C8orf34: variants seen among roughly 807,000 people sequenced by gnomAD.
C8orf34 encodes chromosome 8 open reading frame 34.
Under a neutral mutation model 68.3 loss-of-function variants are expected in C8orf34, and 65 were observed. That is an observed-to-expected ratio of 0.95 (90% CI 0.78 to 1.17). C8orf34 has a LOEUF of 1.17. Ranked by LOEUF, C8orf34 falls within the 50% of genes most tolerant of loss-of-function variation. The pLI, the probability that C8orf34 is intolerant of heterozygous loss-of-function variation, is 0.00. For synonymous variants in C8orf34, 244 were observed against 241.2 expected (o/e 1.01, Z -0.11); for missense variants, 664 against 655.4 (o/e 1.01, Z -0.14).
At chr8:68,387,466 A>C (rs1471110026) in intron 1 of C8orf34, among the ~76,000 whole-genome samples, 3 of 152,162 alleles carry the variant, frequency 2.0e-5, no homozygotes, top group Non-Finnish European at 2.9e-5. Context: ...AGTGTGAGGT[A>C]TGGGCAAGGA....
intron 7 of C8orf34, among the ~76,000 whole-genome samples, chr8:68,615,325 T>G (rs1165586177): frequency 3.3e-5 from 5 of 150,314 alleles, no homozygotes; most frequent in Non-Finnish European, 7.4e-5. Context: ...TCCAACACTA[T>G]GTTGAATAGG....
intron 7 of C8orf34, chr8:68,534,223 G>C: frequency 1.0e-6 from 1 of 985,346 alleles, no homozygotes; most frequent in East Asian, 1.1e-4. Flanking sequence ...CTGCATTCAT[G>C]CTAACATTAA....
intron 12 of C8orf34, among the ~76,000 whole-genome samples, chr8:68,807,173 A>T (rs1389578056): frequency 6.6e-6 from 1 of 152,178 alleles, no homozygotes; most frequent in African/African-American, 2.4e-5. Flanking sequence ...TCACAGCACC[A>T]CTTCTGCCAT....
chr8:68,762,746 C>T (rs1823056346), intron 10 of C8orf34, among the ~76,000 whole-genome samples: 1 of 152,152 alleles, frequency 6.6e-6, no homozygotes, highest in Non-Finnish European at 1.5e-5. Flanking sequence ...GTGGTTTGGC[C>T]TTCTCAGGGT....
chr8:68,620,550 C>T lies in C8orf34; in HGVS notation c.1106-19826C>T, dbSNP rs374090991. Among the ~76,000 whole-genome samples the T allele has an allele frequency of 1.8e-4, 28 of 152,138 alleles. No individual in the cohort carries two copies. The East Asian group carries it at 2.7e-3, about 15-fold the overall frequency. On this transcript the variant is annotated intron_variant, in intron 7 of 13. Coordinates refer to ENST00000518698, the MANE Select transcript of C8orf34 (RefSeq NM_052958.4). ...GCTGTCTACTGCCTTGAGGACACATCGCTTCCCCTTACAGCCAGATGCCAC... is the reference window on the plus strand; with the variant it reads ...GCTGTCTACTGCCTTGAGGACACATTGCTTCCCCTTACAGCCAGATGCCAC...
chr8:68,614,795 C>T (rs1001860618), intron 7 of C8orf34, among the ~76,000 whole-genome samples: 1 of 152,006 alleles, frequency 6.6e-6, no homozygotes, highest in Non-Finnish European at 1.5e-5. Flanking sequence ...TCCACATGAA[C>T]TTTAAAGTAG....
At chr8:68,684,546 A>G (rs1441778145) in intron 8 of C8orf34, among the ~76,000 whole-genome samples, 4 of 152,082 alleles carry the variant, frequency 2.6e-5, no homozygotes, top group African/African-American at 9.7e-5. Context: ...ATCTTTCTAA[A>G]CTTTTCTAAC....
intron 10 of C8orf34, among the ~76,000 whole-genome samples, chr8:68,729,319 C>G (rs545548964): frequency 5.3e-5 from 8 of 152,238 alleles, no homozygotes; most frequent in African/African-American, 1.9e-4. Context: ...ATCCTGGATG[C>G]TTTTGGGAAT....
chr8:68,771,639 A>G (rs1328964208), intron 10 of C8orf34, among the ~76,000 whole-genome samples: 3 of 152,164 alleles, frequency 2.0e-5, no homozygotes, highest in African/African-American at 7.2e-5. Context: ...ACTAATGACT[A>G]AGATTTCAGG....
chr8:68,605,573 A>G (rs1817831010), intron 7 of C8orf34, among the ~76,000 whole-genome samples: 1 of 152,130 alleles, frequency 6.6e-6, no homozygotes, highest in African/African-American at 2.4e-5. Context: ...AGAGGCAGCG[A>G]AGAGGAGGAG....
chr8:68,693,097 AT>A (rs1820729185), intron 8 of C8orf34, among the ~76,000 whole-genome samples: 1 of 152,042 alleles, frequency 6.6e-6, no homozygotes, highest in Non-Finnish European at 1.5e-5. Context: ...GTAGTCTTAG[AT>A]TTCCCCCAAA....
intron 7 of C8orf34, among the ~76,000 whole-genome samples, chr8:68,586,614 G>A (rs1320729092): frequency 1.3e-5 from 2 of 152,070 alleles, no homozygotes; most frequent in Non-Finnish European, 2.9e-5. Context: ...AACCCTTCAG[G>A]CACCTCACAT....
intron 1 of C8orf34, among the ~76,000 whole-genome samples, chr8:68,415,854 G>A (rs1809642655): frequency 6.6e-6 from 1 of 152,140 alleles, no homozygotes; most frequent in South Asian, 2.1e-4. Flanking sequence ...TGTTATATAC[G>A]TAGGGAGTCC....
At chr8:68,686,732 T>C (rs1284842843) in intron 8 of C8orf34, among the ~76,000 whole-genome samples, 1 of 152,120 alleles carries the variant, frequency 6.6e-6, no homozygotes. Flanking sequence ...GGATGTCCAC[T>C]TTCACCACTT....
At chr8:68,681,406 C>G (rs1333076716) in intron 8 of C8orf34, among the ~76,000 whole-genome samples, 1 of 152,132 alleles carries the variant, frequency 6.6e-6, no homozygotes, top group Admixed American at 6.5e-5. Flanking sequence ...CATTCAGGCT[C>G]CCTGACTTCC....
chr8:68,682,667 C>T (rs1046913887), intron 8 of C8orf34, among the ~76,000 whole-genome samples: 1 of 152,084 alleles, frequency 6.6e-6, no homozygotes, highest in Admixed American at 6.6e-5. Flanking sequence ...TTCCTGTCTC[C>T]TAAAGTTATA....
At chr8:68,681,039 G>C (rs1253713024) in intron 8 of C8orf34, among the ~76,000 whole-genome samples, 1 of 152,050 alleles carries the variant, frequency 6.6e-6, no homozygotes, top group Admixed American at 6.6e-5. Context: ...CCATTTATAG[G>C]CTCTCTGCAA....
intron 1 of C8orf34, among the ~76,000 whole-genome samples, chr8:68,358,590 G>T (rs1041509302): frequency 6.6e-6 from 1 of 151,754 alleles, no homozygotes; most frequent in Non-Finnish European, 1.5e-5. Flanking sequence ...ACAGGACTTT[G>T]CCAGCTTTGT....
chr8:68,804,804 CAAAT>C (rs1330682797), intron 12 of C8orf34, among the ~76,000 whole-genome samples: 3 of 151,350 alleles, frequency 2.0e-5, no homozygotes, highest in East Asian at 1.9e-4. Flanking sequence ...AACAAACAAA[CAAAT>C]AAATAAATAA....
Sources: allele counts gnomAD v4.1 joint callset (sites outside exome capture counted in the v4.1 genomes callset), GRCh38; gene constraint gnomAD v4.1.1; transcripts MANE v1.5; gene names NCBI Gene and HGNC (gene_info 2026-07-23, HGNC 2026-07-21).